Variants in ZNF385D observed in about 807,000 individuals in gnomAD.
ZNF385D encodes the protein zinc finger protein 385D.
Under a neutral mutation model 35.8 loss-of-function variants are expected in ZNF385D, and 15 were observed. That is an observed-to-expected ratio of 0.42 (90% CI 0.28 to 0.64). The LOEUF (loss-of-function observed/expected upper bound fraction) is 0.64. ZNF385D is among the 30% of genes least tolerant of loss of function. The probability of loss-of-function intolerance (pLI) is 0.23; values close to 1 mark genes in which losing one functional copy is unlikely to be tolerated. For synonymous variants in ZNF385D, 212 were observed against 186.8 expected (o/e 1.13, Z -1.10); for missense variants, 474 against 494.6 (o/e 0.96, Z 0.39).
intron 3 of ZNF385D, among the ~76,000 whole-genome samples, chr3:21,994,490 G>T (rs866053315): frequency 5.9e-5 from 9 of 151,576 alleles, no homozygotes; most frequent in Non-Finnish European, 1.2e-4. Flanking sequence ...ATCTCACTGA[G>T]CTTTATTATG....
chr3:22,265,970 G>A (rs546137566), intron 2 of ZNF385D, among the ~76,000 whole-genome samples: 2 of 151,804 alleles, frequency 1.3e-5, no homozygotes, highest in African/African-American at 4.8e-5. Flanking sequence ...ATTAAAATAT[G>A]CTGTCTCTTC....
chr3:22,000,292 G>T (rs1488384279), intron 3 of ZNF385D, among the ~76,000 whole-genome samples: 1 of 118,450 alleles, frequency 8.4e-6, no homozygotes, highest in Non-Finnish European at 1.7e-5. Flanking sequence ...GTGACAGAGC[G>T]AGACTCCATC....
At chr3:21,830,910 G>C (rs1694951442) in intron 3 of ZNF385D, among the ~76,000 whole-genome samples, 1 of 152,158 alleles carries the variant, frequency 6.6e-6, no homozygotes, top group Admixed American at 6.6e-5. Context: ...GTTCACTGAA[G>C]GGTGTCATAC....
chr3:21,538,505 A>C (rs571165171), intron 3 of ZNF385D, among the ~76,000 whole-genome samples: 1 of 152,144 alleles, frequency 6.6e-6, no homozygotes, highest in Non-Finnish European at 1.5e-5. Context: ...TTCTGTACAT[A>C]AAATAACTTC....
chr3:21,899,291 C>T (rs1426320932), intron 3 of ZNF385D, among the ~76,000 whole-genome samples: 1 of 152,090 alleles, frequency 6.6e-6, no homozygotes, highest in African/African-American at 2.4e-5. Flanking sequence ...GCTCACCCTC[C>T]CTGGTCAAAC....
At chr3:22,131,909 G>T (rs79127196) in intron 3 of ZNF385D, among the ~76,000 whole-genome samples, 2,010 of 152,228 alleles carry the variant, frequency 0.013, 43 homozygotes, top group African/African-American at 0.044. Flanking sequence ...GAACTCACTG[G>T]AGGCTGATGC....
chr3:21,969,098 G>A (rs937439408), intron 3 of ZNF385D, among the ~76,000 whole-genome samples: 1 of 152,156 alleles, frequency 6.6e-6, no homozygotes, highest in Admixed American at 6.5e-5. Context: ...CGGACCTGTG[G>A]TAGTGGTGGT....
intron 3 of ZNF385D, among the ~76,000 whole-genome samples, chr3:21,964,129 A>G (rs576396610): frequency 4.6e-5 from 7 of 152,168 alleles, no homozygotes; most frequent in East Asian, 1.9e-4. Context: ...ACTGGCCCAC[A>G]AATCATTTTA....
chr3:22,168,176 C>T (rs958376584), intron 3 of ZNF385D, among the ~76,000 whole-genome samples: 6 of 152,140 alleles, frequency 3.9e-5, no homozygotes, highest in Admixed American at 6.5e-5. Flanking sequence ...CTAAAGTCTC[C>T]TCTGTACGGG....
At chr3:21,758,128 T>C (rs2070429752) in intron 3 of ZNF385D, among the ~76,000 whole-genome samples, 1 of 152,220 alleles carries the variant, frequency 6.6e-6, no homozygotes, top group Non-Finnish European at 1.5e-5. Context: ...GTTCCCTTAA[T>C]GAGCTCCCAA....
intron 4 of ZNF385D, among the ~76,000 whole-genome samples, chr3:21,460,878 A>G: frequency 6.6e-6 from 1 of 152,298 alleles, no homozygotes; most frequent in South Asian, 2.1e-4. Context: ...CTCTGTCATG[A>G]GAAAAATATT....
At chr3:21,973,474 GA>G (rs1703396425) in intron 3 of ZNF385D, among the ~76,000 whole-genome samples, 1 of 151,916 alleles carries the variant, frequency 6.6e-6, no homozygotes, top group Non-Finnish European at 1.5e-5. Context: ...ATTGAACAGG[GA>G]AAAACTGACA....
intron 4 of ZNF385D, among the ~76,000 whole-genome samples, chr3:21,495,350 TA>T (rs1044995399): frequency 3.3e-5 from 5 of 151,838 alleles, no homozygotes; most frequent in Admixed American, 2.0e-4. Flanking sequence ...TGGCAAAAAA[TA>T]ACATAAGTTC....
chr3:21,954,617 A>T (rs1472892071), intron 3 of ZNF385D, among the ~76,000 whole-genome samples: 1 of 152,120 alleles, frequency 6.6e-6, no homozygotes, highest in Admixed American at 6.6e-5. Flanking sequence ...TATCCTTAAT[A>T]GTTATATCCT....
intron 2 of ZNF385D, among the ~76,000 whole-genome samples, chr3:22,363,045 G>C (rs935198867): frequency 6.6e-6 from 1 of 151,978 alleles, no homozygotes; most frequent in South Asian, 2.1e-4. Flanking sequence ...AACTTAGTTC[G>C]CTGTGCCCTA....
intron 4 of ZNF385D, among the ~76,000 whole-genome samples, chr3:21,494,896 G>A (rs989380049): frequency 2.9e-4 from 44 of 152,074 alleles, no homozygotes; most frequent in Non-Finnish European, 4.1e-4. Context: ...AACAAATACT[G>A]GTTAACAATA....
chr3:21,670,583 C>T (rs2066536626), intron 1 of ZNF385D, among the ~76,000 whole-genome samples: 1 of 143,212 alleles, frequency 7.0e-6, no homozygotes, highest in African/African-American at 2.6e-5. Flanking sequence ...AGATCTGATC[C>T]TACTAATAAG....
intron 3 of ZNF385D, among the ~76,000 whole-genome samples, chr3:22,002,541 A>T (rs2125417030): frequency 6.6e-6 from 1 of 152,270 alleles, no homozygotes; most frequent in East Asian, 1.9e-4. Context: ...TCTATTCCAA[A>T]AATTGAAGAG....
intron 1 of ZNF385D, among the ~76,000 whole-genome samples, chr3:21,693,136 T>A (rs1425009721): frequency 6.6e-6 from 1 of 152,180 alleles, no homozygotes; most frequent in Non-Finnish European, 1.5e-5. Flanking sequence ...CCAGAGCTTT[T>A]CTGATACCTC....
Sources: allele counts gnomAD v4.1 joint callset (sites outside exome capture counted in the v4.1 genomes callset), GRCh38; gene constraint gnomAD v4.1.1; transcripts MANE v1.5; gene names NCBI Gene and HGNC (gene_info 2026-07-23, HGNC 2026-07-21).